The following SRSF4 variants were observed in gnomAD, a reference collection of about 807,000 sequenced individuals.
SRSF4 encodes serine/arginine-rich splicing factor 4.
In SRSF4, 12 loss-of-function variants were observed where a neutral mutation model predicts 48.8. The observed-to-expected ratio is 0.25, with a 90% CI of 0.16 to 0.40. The LOEUF (loss-of-function observed/expected upper bound fraction) is 0.40. SRSF4 is among the 10% of genes least tolerant of loss of function. SRSF4 has a pLI of 1.00. For synonymous variants in SRSF4, 248 were observed against 232.5 expected (o/e 1.07, Z -0.61); for missense variants, 466 against 667.1 (o/e 0.70, Z 3.32).
In SRSF4 at chr1:29,148,243, CAGG is replaced by C; in HGVS notation, c.*164_*166del. On this transcript the variant is annotated 3_prime_UTR_variant, in exon 6 of 6. Transcript: ENST00000373795. ...TCAGTCGAGCAGGAAGGCCTGGTGC[CAGG>C]AGGCTTTACTGAGAGGAAGCACTTA... 1 of 1,008,066 alleles carries C rather than the reference CAGG, an allele frequency of 9.9e-7. No homozygotes were observed. 62.4% of individuals were successfully genotyped at this position (1,008,066 alleles called of 1,614,324 possible). A position where few individuals can be genotyped will look rare whatever the true frequency, so the allele number is the denominator to read the frequency against.
At chr1:29,179,908 G>C in intron 1 of SRSF4, among the ~76,000 whole-genome samples, 1 of 152,190 alleles carries the variant, frequency 6.6e-6, no homozygotes, top group South Asian at 2.1e-4. Flanking sequence ...TTTGGTTGAT[G>C]AATCAGTTTC....
chr1:29,158,206 C>T (rs1250221107), intron 3 of SRSF4, among the ~76,000 whole-genome samples: 3 of 151,694 alleles, frequency 2.0e-5, no homozygotes, highest in African/African-American at 7.3e-5. Context: ...CACTGGATGG[C>T]CAACATTAGC....
At chr1:29,173,911 G>A (rs910359911) in intron 1 of SRSF4, among the ~76,000 whole-genome samples, 2 of 151,518 alleles carry the variant, frequency 1.3e-5, no homozygotes, top group Non-Finnish European at 1.5e-5. Context: ...AACTCTTGGT[G>A]GGTGCGGTGG....
intron 3 of SRSF4, among the ~76,000 whole-genome samples, chr1:29,155,237 C>T (rs986204594): frequency 6.6e-6 from 1 of 152,042 alleles, no homozygotes; most frequent in Non-Finnish European, 1.5e-5. Context: ...TCAAGACCAG[C>T]CTTGACAACA....
intron 1 of SRSF4, among the ~76,000 whole-genome samples, chr1:29,176,111 G>C (rs576974985): frequency 4.4e-4 from 67 of 152,142 alleles, no homozygotes; most frequent in Admixed American, 3.1e-3. Flanking sequence ...AATTAGCCGG[G>C]CGTGGTGGCA....
chr1:29,181,620 G>T, intron 1 of SRSF4, 26 bp downstream of exon 1: 1 of 1,562,604 alleles, frequency 6.4e-7, no homozygotes. Context: ...TCCCCGCCCG[G>T]CCGGACCCTC....
At chr1:29,165,459 C>T (rs1672657906) in intron 1 of SRSF4, among the ~76,000 whole-genome samples, 1 of 152,194 alleles carries the variant, frequency 6.6e-6, no homozygotes, top group Non-Finnish European at 1.5e-5. Context: ...GAATTATTAT[C>T]TGAGTTTGTA....
intron 1 of SRSF4, among the ~76,000 whole-genome samples, chr1:29,165,382 G>A (rs775811445): frequency 5.9e-5 from 9 of 152,176 alleles, no homozygotes; most frequent in South Asian, 2.1e-4. Flanking sequence ...CTGGAATGAC[G>A]TATTTTTAAA....
intron 1 of SRSF4, among the ~76,000 whole-genome samples, chr1:29,161,651 C>T (rs539048120): frequency 3.9e-4 from 59 of 152,262 alleles, no homozygotes; most frequent in African/African-American, 1.3e-3. Flanking sequence ...CAGGCTGGAG[C>T]GCAGTGGTGC....
intron 4 of SRSF4, among the ~76,000 whole-genome samples, chr1:29,151,259 T>C (rs900229234): frequency 3.9e-5 from 6 of 152,136 alleles, no homozygotes; most frequent in Admixed American, 2.6e-4. Flanking sequence ...TTCCAGTATA[T>C]AGGAAGTTCA....
intron 5 of SRSF4, 126 bp from the exon 6 acceptor site, chr1:29,149,352 G>T: frequency 1.6e-6 from 2 of 1,230,678 alleles, no homozygotes; most frequent in South Asian, 1.6e-5. Flanking sequence ...ACTGGCTGAG[G>T]ATTGTTTTCT....
chr1:29,158,016 A>C (rs965885248), intron 3 of SRSF4, among the ~76,000 whole-genome samples: 3 of 152,180 alleles, frequency 2.0e-5, no homozygotes, highest in African/African-American at 7.2e-5. Context: ...CTACTAAAAT[A>C]CAAAAATTGG....
intron 1 of SRSF4, among the ~76,000 whole-genome samples, chr1:29,166,426 T>C (rs928263002): frequency 6.6e-6 from 1 of 152,182 alleles, no homozygotes; most frequent in African/African-American, 2.4e-5. Context: ...ATGAGAACAG[T>C]GTAACTGCCC....
chr1:29,154,865 T>C lies in SRSF4; in HGVS notation c.409A>G (p.Lys137Glu). 6.2e-7 allele frequency: 1 copy of C among 1,614,186 alleles called. No individual in the cohort carries two copies. The highest frequency in any genetic ancestry group is 1.3e-5 in the African/African-American group (1 of 75,042). The change falls in exon 4 of 6, where the codon AAG (lysine) becomes GAG (glutamate). Residue 137 changes from lysine to glutamate, a missense_variant. Around this residue, in one of 2 missense-constraint regions of SRSF4, gnomAD observed 64 missense variants for 230.2 expected, o/e 0.28. Transcript: ENST00000373795. ...AGEVTYADAHKGRKNEGVIEF... is the reference protein window; with the variant it reads ...AGEVTYADAHEGRKNEGVIEF... Reference sequence around the variant, plus strand: ...ATCACCCCTTCATTTTTGCGTCCCTTGTGAGCATCTGCATAAGTCACTTCT... The same window carrying C: ...ATCACCCCTTCATTTTTGCGTCCCTCGTGAGCATCTGCATAAGTCACTTCT...
At chr1:29,154,273 C>G (rs1011541787) in intron 4 of SRSF4, among the ~76,000 whole-genome samples, 2 of 151,924 alleles carry the variant, frequency 1.3e-5, no homozygotes, top group African/African-American at 4.8e-5. Context: ...CCATGTTGGC[C>G]AGGCTGGTCT....
chr1:29,163,082 T>C (rs1320675074), intron 1 of SRSF4, among the ~76,000 whole-genome samples: 1 of 152,234 alleles, frequency 6.6e-6, no homozygotes, highest in Non-Finnish European at 1.5e-5. Flanking sequence ...TTACGACAGA[T>C]GAATCTTTCT....
At chr1:29,151,018 T>C (rs1474940209) in intron 4 of SRSF4, among the ~76,000 whole-genome samples, 1 of 152,168 alleles carries the variant, frequency 6.6e-6, no homozygotes, top group Admixed American at 6.5e-5. Context: ...CTTTACAAAA[T>C]TTTTTTAATG....
intron 1 of SRSF4, among the ~76,000 whole-genome samples, chr1:29,168,040 T>C (rs1359834844): frequency 5.9e-5 from 8 of 136,204 alleles, no homozygotes; most frequent in Admixed American, 1.5e-4. Context: ...AAAAAAAACA[T>C]AGTCTCGCTC....
chr1:29,180,855 G>A (rs1320794078), intron 1 of SRSF4, among the ~76,000 whole-genome samples: 4 of 152,212 alleles, frequency 2.6e-5, no homozygotes, highest in Non-Finnish European at 5.9e-5. Context: ...GGGGGAGGCA[G>A]TAAGTTAACA....
Sources: gnomAD v4.1 joint callset for allele counts (sites outside exome capture counted in the v4.1 genomes callset) on GRCh38, gnomAD v4.1.1 for gene constraint, gnomAD v4.1.1 regional missense constraint, MANE v1.5 for transcripts, NCBI Gene and HGNC (gene_info 2026-07-23, HGNC 2026-07-21) for gene names.